Variants in ABCD3 observed in about 807,000 individuals in gnomAD.
ABCD3 encodes the protein ATP binding cassette subfamily D member 3.
ABCD3 carries 41 observed loss-of-function variants against 105.5 expected under a neutral mutation model. That is an observed-to-expected ratio of 0.39 (90% CI 0.30 to 0.50). The LOEUF (loss-of-function observed/expected upper bound fraction) is 0.50. Among genes scored for constraint, ABCD3 ranks in the 20% least tolerant of loss-of-function variants. The pLI, the probability that ABCD3 is intolerant of heterozygous loss-of-function variation, is 0.84. For synonymous variants in ABCD3, 258 were observed against 269.0 expected (o/e 0.96, Z 0.40); for missense variants, 622 against 806.3 (o/e 0.77, Z 2.77).
intron 1 of ABCD3, among the ~76,000 whole-genome samples, chr1:94,429,727 C>T (rs1392897711): frequency 1.3e-5 from 2 of 152,244 alleles, no homozygotes; most frequent in African/African-American, 4.8e-5. Context: ...ATGGAAATGC[C>T]TGGATGCCCA....
At chr1:94,404,179 G>T in the ABCD3 span, among the ~76,000 whole-genome samples, 2 of 152,032 alleles carry the variant, frequency 1.3e-5, no homozygotes, top group African/African-American at 4.8e-5. Context: ...CTTCGTCAGT[G>T]ATAACTCTAG....
intron 16 of ABCD3, among the ~76,000 whole-genome samples, chr1:94,496,706 T>G (rs1473918818): frequency 1.5e-5 from 2 of 136,032 alleles, no homozygotes; most frequent in Non-Finnish European, 3.1e-5. Flanking sequence ...TTTTTTTTTT[T>G]TTTTTTTTTT....
At chr1:94,495,062 C>T (rs2101033935) in intron 16 of ABCD3, among the ~76,000 whole-genome samples, 1 of 152,254 alleles carries the variant, frequency 6.6e-6, no homozygotes. Context: ...GTCTGGGCTA[C>T]AGAGTGAGAT....
At chr1:94,390,266 C>G in the ABCD3 span, among the ~76,000 whole-genome samples, 1 of 152,048 alleles carries the variant, frequency 6.6e-6, no homozygotes, top group Non-Finnish European at 1.5e-5. Flanking sequence ...TAATGGATAT[C>G]AATGCTCCTG....
intron 1 of ABCD3, among the ~76,000 whole-genome samples, chr1:94,436,673 A>G (rs1659913128): frequency 6.6e-6 from 1 of 152,188 alleles, no homozygotes; most frequent in African/African-American, 2.4e-5. Context: ...TCTGTATCAT[A>G]TTATGGTAAT....
At chr1:94,430,856 T>C (rs115260418) in intron 1 of ABCD3, among the ~76,000 whole-genome samples, 3,816 of 152,298 alleles carry the variant, frequency 0.025, 54 homozygotes, top group Middle Eastern at 0.054. Context: ...AAATTAAACA[T>C]TTTTGCATTA....
chr1:94,472,417 T>A (rs993918046), intron 4 of ABCD3, among the ~76,000 whole-genome samples: 2 of 151,822 alleles, frequency 1.3e-5, no homozygotes, highest in African/African-American at 4.8e-5. Context: ...ATAAACAACA[T>A]TTTTGTGTGG....
At chr1:94,396,574 T>G in the ABCD3 span, among the ~76,000 whole-genome samples, 1 of 151,166 alleles carries the variant, frequency 6.6e-6, no homozygotes, top group East Asian at 2.0e-4. Context: ...CACAAACTGT[T>G]CCTCATGTGA....
chr1:94,504,379 A>G (rs775837488), intron 20 of ABCD3, among the ~76,000 whole-genome samples: 13 of 152,086 alleles, frequency 8.5e-5, no homozygotes, highest in Non-Finnish European at 1.8e-4. Context: ...CAGCCCCACA[A>G]AGTGCTGGGA....
At chr1:94,454,320 G>T (rs1312142746) in intron 1 of ABCD3, among the ~76,000 whole-genome samples, 2 of 152,132 alleles carry the variant, frequency 1.3e-5, no homozygotes, top group South Asian at 4.1e-4. Flanking sequence ...GCAGCTTTGT[G>T]GTTTGAGTAG....
the ABCD3 span, among the ~76,000 whole-genome samples, chr1:94,396,339 T>C: frequency 2.4e-3 from 372 of 152,260 alleles, no homozygotes; most frequent in African/African-American, 8.6e-3. Flanking sequence ...TATTATTCAT[T>C]TTTCCCCTTT....
At chr1:94,475,311 C>A in intron 6 of ABCD3, 71 bp downstream of exon 6, 1 of 1,068,126 alleles carries the variant, frequency 9.4e-7, no homozygotes, top group Non-Finnish European at 1.4e-6. Flanking sequence ...ATCAATATAG[C>A]AGTTTTTCTT....
chr1:94,506,450 A>T, intron 20 of ABCD3, 88 bp from the exon 21 acceptor site: 4 of 769,094 alleles, frequency 5.2e-6, no homozygotes, highest in Non-Finnish European at 9.3e-6. Flanking sequence ...TTACAAGACT[A>T]CAAATGCATA....
intron 13 of ABCD3, 138 bp downstream of exon 13, chr1:94,488,121 A>G (rs1341887822): frequency 1.3e-6 from 1 of 761,180 alleles, no homozygotes; most frequent in Non-Finnish European, 2.2e-6. Flanking sequence ...AAAATTAAGG[A>G]AGATTTTTCT....
chr1:94,480,008 T>C (rs1322157571), intron 8 of ABCD3, among the ~76,000 whole-genome samples: 1 of 151,994 alleles, frequency 6.6e-6, no homozygotes, highest in Non-Finnish European at 1.5e-5. Flanking sequence ...TACTTATTTC[T>C]TGGGTTCATA....
intron 4 of ABCD3, among the ~76,000 whole-genome samples, chr1:94,471,296 A>G (rs373805731): frequency 4.6e-4 from 70 of 152,174 alleles, no homozygotes; most frequent in African/African-American, 1.7e-3. Context: ...GGTGGCTCAT[A>G]CCTGTAATCC....
chr1:94,411,074 T>C, the ABCD3 span, among the ~76,000 whole-genome samples: 69 of 152,178 alleles, frequency 4.5e-4, no homozygotes, highest in East Asian at 9.9e-3. Flanking sequence ...GATTTGGCAA[T>C]AGATTCCCAG....
At chr1:94,451,034 A>G (rs879081428) in intron 1 of ABCD3, among the ~76,000 whole-genome samples, 2 of 152,086 alleles carry the variant, frequency 1.3e-5, no homozygotes, top group African/African-American at 2.4e-5. Flanking sequence ...TATTGATTAT[A>G]TGTTTAACTT....
chr1:94,390,599 A>T, the ABCD3 span, among the ~76,000 whole-genome samples: 1 of 152,128 alleles, frequency 6.6e-6, no homozygotes, highest in African/African-American at 2.4e-5. Flanking sequence ...CATGGCACCC[A>T]GCCCACTCCT....
Sources: allele counts gnomAD v4.1 joint callset (sites outside exome capture counted in the v4.1 genomes callset), GRCh38; gene constraint gnomAD v4.1.1; transcripts MANE v1.5; gene names NCBI Gene and HGNC (gene_info 2026-07-23, HGNC 2026-07-21).